Variants in SIPA1L1 observed in about 807,000 individuals in gnomAD.
The protein encoded by SIPA1L1 is signal-induced proliferation-associated 1-like protein 1.
A neutral mutation model predicts 162.7 loss-of-function variants in SIPA1L1; 26 were observed. The ratio of observed to expected loss-of-function variants is 0.16; its 90% CI spans 0.12 to 0.22. The LOEUF is 0.22. Among genes scored for constraint, SIPA1L1 ranks in the 10% least tolerant of loss-of-function variants. SIPA1L1 has a pLI of 1.00. For missense variants in SIPA1L1, 1,874 were observed against 2,241.0 expected (o/e 0.84, Z 3.31); for synonymous variants, 829 against 837.4 (o/e 0.99, Z 0.17).
At chr14:71,513,689 T>C (rs558574526) in intron 3 of SIPA1L1, among the ~76,000 whole-genome samples, 7 of 152,218 alleles carry the variant, frequency 4.6e-5, no homozygotes, top group Non-Finnish European at 7.4e-5. Flanking sequence ...AATGGGGTCT[T>C]GCTATGTTGC....
intron 2 of SIPA1L1, among the ~76,000 whole-genome samples, chr14:71,396,390 A>G (rs2041204702): frequency 6.6e-6 from 1 of 152,146 alleles, no homozygotes; most frequent in South Asian, 2.1e-4. Flanking sequence ...CAGACCCTCA[A>G]AATGTGTTAG....
At position 71,540,359 on chromosome 14, in the gene SIPA1L1, G is replaced by T. The variant is rs182462089; in HGVS notation, c.-303+10989G>T. ...CAAAGGCTGATAGAACTGATTCACAGAATTTGTTTTTAGGAATTTTGGATT... is the reference window on the plus strand; with the variant it reads ...CAAAGGCTGATAGAACTGATTCACATAATTTGTTTTTAGGAATTTTGGATT... On this transcript the variant is annotated intron_variant, in intron 4 of 23. Coordinates refer to ENST00000381232, the MANE Select transcript of SIPA1L1 (RefSeq NM_001386936.1). Among the ~76,000 whole-genome samples the T allele has an allele frequency of 2.6e-5, 4 of 152,274 alleles. No individual in the cohort carries two copies. The East Asian group carries it at 7.7e-4, about 29-fold the overall frequency.
chr14:71,700,449 A>T (rs1337334121), intron 14 of SIPA1L1, among the ~76,000 whole-genome samples: 2 of 152,260 alleles, frequency 1.3e-5, no homozygotes, highest in African/African-American at 4.8e-5. Context: ...ACAAATTTAG[A>T]ATAGGATCAT....
chr14:71,492,173 G>A (rs765952628), intron 2 of SIPA1L1, among the ~76,000 whole-genome samples: 22 of 152,140 alleles, frequency 1.4e-4, no homozygotes, highest in African/African-American at 2.4e-4. Context: ...TCAGTTTTTC[G>A]TGCTAGCAGC....
intron 4 of SIPA1L1, among the ~76,000 whole-genome samples, chr14:71,537,533 C>CTGA (rs1469497853): frequency 6.6e-6 from 1 of 152,170 alleles, no homozygotes; most frequent in Non-Finnish European, 1.5e-5. Flanking sequence ...CGAAGACAGA[C>CTGA]TGATAGGTTT....
intron 4 of SIPA1L1, among the ~76,000 whole-genome samples, chr14:71,565,577 G>A (rs1319910498): frequency 6.6e-6 from 1 of 152,288 alleles, no homozygotes; most frequent in African/African-American, 2.4e-5. Context: ...TCCTTGCCAT[G>A]TCCTTTAGTG....
At chr14:71,398,538 A>G (rs1364344649) in intron 2 of SIPA1L1, 1 of 152,248 alleles carries the variant, frequency 6.6e-6, no homozygotes, top group Non-Finnish European at 1.5e-5. Context: ...ATAGTTACAC[A>G]TGAGCAGTGA....
At chr14:71,575,806 G>GA (rs1202489752) in intron 4 of SIPA1L1, among the ~76,000 whole-genome samples, 1 of 152,048 alleles carries the variant, frequency 6.6e-6, no homozygotes, top group Non-Finnish European at 1.5e-5. Context: ...ATGCTCCTTT[G>GA]ATGAGTGGAT....
intron 12 of SIPA1L1, among the ~76,000 whole-genome samples, chr14:71,682,948 G>A (rs1323466188): frequency 1.3e-5 from 2 of 152,216 alleles, no homozygotes; most frequent in East Asian, 3.8e-4. Context: ...GAGCTCAGGA[G>A]TTTGAGACCA....
chr14:71,592,302 A>G (rs1026672242), intron 5 of SIPA1L1, among the ~76,000 whole-genome samples: 1 of 152,228 alleles, frequency 6.6e-6, no homozygotes, highest in African/African-American at 2.4e-5. Flanking sequence ...CAAAATTTGG[A>G]GCAGAAATTA....
intron 8 of SIPA1L1, among the ~76,000 whole-genome samples, chr14:71,653,187 C>T (rs1186142684): frequency 6.6e-6 from 1 of 152,168 alleles, no homozygotes. Context: ...AGCCCTACTA[C>T]TAAGGCATGA....
chr14:71,593,908 G>A (rs1404095763), intron 5 of SIPA1L1, among the ~76,000 whole-genome samples: 1 of 152,162 alleles, frequency 6.6e-6, no homozygotes, highest in African/African-American at 2.4e-5. Context: ...TCCCTCTACT[G>A]CACACTGCCC....
chr14:71,729,138 C>T (rs1296869097), intron 19 of SIPA1L1, among the ~76,000 whole-genome samples: 3 of 152,138 alleles, frequency 2.0e-5, no homozygotes, highest in African/African-American at 7.2e-5. Context: ...CAGGTTCAAG[C>T]GATTCTCCTG....
Position 71,587,859 on chromosome 14 carries a change from C to T in SIPA1L1, c.-14C>T. The T allele has an allele frequency of 6.3e-7, 1 of 1,592,784 alleles. No individual in the cohort carries two copies. The highest frequency in any genetic ancestry group is 1.1e-5 in the South Asian group (1 of 90,330). ...TCCTTGCTGCAGGGATTTAAGTCTA[C>T]TTGCTTTTACATCATGACCAGCTTG... On this transcript the variant is annotated 5_prime_UTR_variant, in exon 5 of 24. Coordinates refer to ENST00000381232, the MANE Select transcript of SIPA1L1 (RefSeq NM_001386936.1).
chr14:71,470,163 A>G (rs1423756292), intron 2 of SIPA1L1, among the ~76,000 whole-genome samples: 2 of 152,208 alleles, frequency 1.3e-5, no homozygotes, highest in Admixed American at 6.5e-5. Flanking sequence ...GTAGGGCCTT[A>G]TGTTATGAAG....
At chr14:71,579,450 G>T (rs2033603323) in intron 4 of SIPA1L1, among the ~76,000 whole-genome samples, 2 of 152,160 alleles carry the variant, frequency 1.3e-5, no homozygotes, top group Non-Finnish European at 2.9e-5. Flanking sequence ...TGGGGTGCTG[G>T]TGAGGACTGA....
chr14:71,413,000 T>A (rs2042514826), intron 2 of SIPA1L1, among the ~76,000 whole-genome samples: 1 of 152,214 alleles, frequency 6.6e-6, no homozygotes, highest in Non-Finnish European at 1.5e-5. Flanking sequence ...AAATATGCAG[T>A]GTTTGGTTTC....
chr14:71,462,592 G>A (rs1432131282), intron 2 of SIPA1L1, among the ~76,000 whole-genome samples: 1 of 152,142 alleles, frequency 6.6e-6, no homozygotes, highest in African/African-American at 2.4e-5. Context: ...GGAATATCTT[G>A]ACAGGCCCCA....
At chr14:71,699,241 A>C (rs1304517719) in intron 14 of SIPA1L1, 114 bp downstream of exon 14, 1 of 1,024,506 alleles carries the variant, frequency 9.8e-7, no homozygotes, top group African/African-American at 1.6e-5. Flanking sequence ...TTTGTAGACA[A>C]ACAAAAGAGA....
Sources: allele counts gnomAD v4.1 joint callset (sites outside exome capture counted in the v4.1 genomes callset), GRCh38; gene constraint gnomAD v4.1.1; transcripts MANE v1.5; gene names NCBI Gene and HGNC (gene_info 2026-07-23, HGNC 2026-07-21).